The following PRCC variants were observed in gnomAD, a reference collection of about 807,000 sequenced individuals.
PRCC encodes proline rich mitotic checkpoint control factor.
PRCC carries 10 observed loss-of-function variants against 44.0 expected under a neutral mutation model. The observed-to-expected ratio is 0.23, with a 90% CI of 0.14 to 0.39. The LOEUF (loss-of-function observed/expected upper bound fraction) is 0.39. Ranked by LOEUF, PRCC falls within the 10% of genes least tolerant of loss-of-function variation. The probability of loss-of-function intolerance (pLI) is 1.00; values close to 1 mark genes in which losing one functional copy is unlikely to be tolerated. For missense variants in PRCC, 573 were observed against 624.7 expected, an observed-to-expected ratio of 0.92 and a Z score of 0.88; for synonymous variants, 278 against 259.5, an observed-to-expected ratio of 1.07 and a Z score of -0.69.
At chr1:156,788,533 T>A (rs543431296) in intron 3 of PRCC, among the ~76,000 whole-genome samples, 15 of 152,338 alleles carry the variant, frequency 9.8e-5, no homozygotes, top group African/African-American at 3.6e-4. Flanking sequence ...GATTGCTGGG[T>A]TGAATGGTAG....
chr1:156,772,025 A>C (rs911034377), intron 1 of PRCC, among the ~76,000 whole-genome samples: 2 of 151,734 alleles, frequency 1.3e-5, no homozygotes, highest in Non-Finnish European at 2.9e-5. Context: ...GGACTGGTCA[A>C]TTTTTGTATT....
intron 1 of PRCC, among the ~76,000 whole-genome samples, chr1:156,773,495 C>G (rs1196950608): frequency 6.6e-6 from 1 of 152,174 alleles, no homozygotes; most frequent in Non-Finnish European, 1.5e-5. Context: ...TATTAACAGA[C>G]TCAACAGTTT....
chr1:156,787,450 GATATAT>G (rs57206380), intron 3 of PRCC, among the ~76,000 whole-genome samples: 142 of 124,844 alleles, frequency 1.1e-3, no homozygotes, highest in African/African-American at 4.5e-3. Context: ...ATTTGTGATT[GATATAT>G]ATATATATAT....
chr1:156,778,766 G>A lies in PRCC; in HGVS notation c.469-3516G>A, dbSNP rs190778544. On this transcript the variant is annotated intron_variant, in intron 1 of 6. Transcript: ENST00000271526. ...CTCAGCTAATTTTTGTATTTTTTGT[G>A]GAGACAGAGTTTCACCATATTGCCC... Among the ~76,000 whole-genome samples, 3 of 150,810 alleles carry A rather than the reference G, an allele frequency of 2.0e-5. No homozygotes were observed. In the East Asian group the frequency reaches 5.9e-4, roughly 30 times the overall value.
At chr1:156,794,352 C>A (rs1008107447) in intron 4 of PRCC, among the ~76,000 whole-genome samples, 1 of 152,192 alleles carries the variant, frequency 6.6e-6, no homozygotes, top group African/African-American at 2.4e-5. Flanking sequence ...CAGTTTGTTA[C>A]ATGGATATAT....
intron 1 of PRCC, among the ~76,000 whole-genome samples, chr1:156,771,886 G>A (rs1263754978): frequency 1.3e-5 from 2 of 151,424 alleles, no homozygotes; most frequent in African/African-American, 4.9e-5. Context: ...ACCTGCATCA[G>A]GAACCTGAGA....
At chr1:156,800,042 G>A (rs1302320044) in intron 6 of PRCC, among the ~76,000 whole-genome samples, 1 of 152,166 alleles carries the variant, frequency 6.6e-6, no homozygotes, top group Admixed American at 6.5e-5. Context: ...CTCTCTAAGA[G>A]AGCTGATTTT....
intron 6 of PRCC, 34 bp downstream of exon 6, chr1:156,797,375 G>C: frequency 6.2e-7 from 1 of 1,612,954 alleles, no homozygotes; most frequent in Admixed American, 1.7e-5. Context: ...GCTCAGGCAG[G>C]ATCTCTGTAA....
chr1:156,782,543 C>T (rs1203149270), intron 2 of PRCC, among the ~76,000 whole-genome samples: 5 of 152,154 alleles, frequency 3.3e-5, no homozygotes, highest in Non-Finnish European at 7.3e-5. Flanking sequence ...CTGGTATTAC[C>T]TTTCCTGGAA....
At chr1:156,770,937 C>T (rs1421405591) in intron 1 of PRCC, among the ~76,000 whole-genome samples, 2 of 152,156 alleles carry the variant, frequency 1.3e-5, no homozygotes, top group African/African-American at 4.8e-5. Flanking sequence ...TAGCCCCAGC[C>T]CGAAAGGAGC....
In PRCC at chr1:156,794,650, T is replaced by G. The variant is rs899688540; in HGVS notation, c.1180-15T>G. ...TTGCCCAGATTCCTGACTCCTGCAT[T>G]TTTTTCTTTTCCAGTTTAAGCGGCT... is the stretch of plus-strand genomic sequence containing the variant. On this transcript the variant is annotated splice_polypyrimidine_tract_variant and intron_variant, in intron 4 of 6. Coordinates refer to ENST00000271526, the MANE Select transcript of PRCC (RefSeq NM_005973.5). 16 of 1,613,642 alleles carry G rather than the reference T, an allele frequency of 9.9e-6. No homozygotes were observed. Among genetic ancestry groups the G allele is most frequent in the South Asian group, 2.2e-5 (2 of 91,048 alleles).
Position 156,800,485 on chromosome 1 carries a change from G to T in PRCC, c.*25G>T, listed in dbSNP as rs753629490. On this transcript the variant is annotated 3_prime_UTR_variant, in exon 7 of 7. Coordinates refer to ENST00000271526, the MANE Select transcript of PRCC (RefSeq NM_005973.5). ...GGGCTCTGGAACTGATTGCTCCCAG[G>T]ATCTCCTGCCAGCCCAGCTGGCCTG... is the stretch of plus-strand genomic sequence containing the variant. 6.2e-7 allele frequency: 1 copy of T among 1,612,990 alleles called. No homozygotes were observed. The highest frequency in any genetic ancestry group is 8.5e-7 in the Non-Finnish European group (1 of 1,179,068).
At chr1:156,783,743 C>A (rs1012442932) in intron 2 of PRCC, among the ~76,000 whole-genome samples, 20 of 145,458 alleles carry the variant, frequency 1.4e-4, no homozygotes, top group African/African-American at 4.8e-4. Flanking sequence ...AAGACTCAGT[C>A]AAAAAAAACA....
chr1:156,777,667 A>G (rs929370113), intron 1 of PRCC, among the ~76,000 whole-genome samples: 2 of 152,246 alleles, frequency 1.3e-5, no homozygotes, highest in African/African-American at 4.8e-5. Flanking sequence ...ATGTTTACAG[A>G]GTAGGCACAA....
At chr1:156,772,880 T>C (rs1651684680) in intron 1 of PRCC, among the ~76,000 whole-genome samples, 1 of 151,956 alleles carries the variant, frequency 6.6e-6, no homozygotes, top group Non-Finnish European at 1.5e-5. Context: ...AAAACAGGAG[T>C]TTAGAGAACA....
chr1:156,783,536 A>G (rs1652122784), intron 2 of PRCC, among the ~76,000 whole-genome samples: 1 of 152,162 alleles, frequency 6.6e-6, no homozygotes, highest in South Asian at 2.1e-4. Context: ...ACCTGAAGTC[A>G]GGAGTTTGAG....
In PRCC at chr1:156,767,949, C is replaced by A; in HGVS notation, c.178C>A (p.Pro60Thr). Residue 60 changes from proline to threonine, a missense_variant, in exon 1 of 7, where the codon CCA becomes ACA. Pro to Thr is a conservative substitution (Grantham distance 38). Around this residue, in one of 4 missense-constraint regions of PRCC, gnomAD observed 245 missense variants for 188.5 expected, o/e 1.30. Transcript: ENST00000271526. ...LLPPPPQMLA[P>T]AFPPPLLLPP... ...GCCTCCGCCCCCTCAGATGCTGGCG[C>A]CAGCCTTTCCCCCGCCGCTGTTGCT... is the stretch of plus-strand genomic sequence containing the variant. The A allele has an allele frequency of 6.3e-7, 1 of 1,583,846 alleles. No homozygotes were observed. The highest frequency in any genetic ancestry group is 8.6e-7 in the Non-Finnish European group (1 of 1,165,026).
At chr1:156,789,696 G>A (rs1360711910) in intron 3 of PRCC, among the ~76,000 whole-genome samples, 3 of 152,214 alleles carry the variant, frequency 2.0e-5, no homozygotes, top group African/African-American at 7.2e-5. Flanking sequence ...GTTTGGGCAA[G>A]TTACTTAACT....
chr1:156,769,476 C>G (rs953406450), intron 1 of PRCC, among the ~76,000 whole-genome samples: 2 of 152,210 alleles, frequency 1.3e-5, no homozygotes, highest in African/African-American at 4.8e-5. Context: ...CTGGCACATA[C>G]TGAATACTCC....
Sources: allele counts gnomAD v4.1 joint callset (sites outside exome capture counted in the v4.1 genomes callset), GRCh38; gene constraint gnomAD v4.1.1; regional missense constraint gnomAD v4.1.1; transcripts MANE v1.5; gene names NCBI Gene and HGNC (gene_info 2026-07-23, HGNC 2026-07-21).